SLC7A14: variants seen among roughly 807,000 people sequenced by gnomAD.
SLC7A14 encodes the protein solute carrier family 7 member 14.
SLC7A14 carries 37 observed loss-of-function variants against 60.2 expected under a neutral mutation model. That is an observed-to-expected ratio of 0.61 (90% CI 0.47 to 0.81). The LOEUF (loss-of-function observed/expected upper bound fraction) is 0.81, where lower values mean the gene tolerates loss of function less well. Ranked by LOEUF, SLC7A14 falls within the 30% of genes least tolerant of loss-of-function variation. SLC7A14 has a pLI of 0.00. For synonymous variants in SLC7A14, 399 were observed against 395.8 expected (o/e 1.01, Z -0.10); for missense variants, 886 against 982.7 (o/e 0.90, Z 1.32).
intron 5 of SLC7A14, among the ~76,000 whole-genome samples, chr3:170,485,753 AAG>A: frequency 6.6e-6 from 1 of 152,186 alleles, no homozygotes; most frequent in East Asian, 1.9e-4. Context: ...ATTTAAGGGG[AAG>A]AGAGTTTGTA....
At chr3:170,503,864 ATTGCTGTCT>A (rs1712687800) in intron 2 of SLC7A14, among the ~76,000 whole-genome samples, 3 of 152,224 alleles carry the variant, frequency 2.0e-5, no homozygotes, top group Non-Finnish European at 4.4e-5. Flanking sequence ...GGACCAGTCC[ATTGCTGTCT>A]GAATCAGAGA....
intron 1 of SLC7A14, among the ~76,000 whole-genome samples, chr3:170,579,370 A>G (rs2108318895): frequency 6.6e-6 from 1 of 152,380 alleles, no homozygotes; most frequent in South Asian, 2.1e-4. Flanking sequence ...TTTTGTCAAC[A>G]GAATGTTTAA....
chr3:170,507,840 G>T (rs1577522992), intron 2 of SLC7A14, among the ~76,000 whole-genome samples: 1 of 152,204 alleles, frequency 6.6e-6, no homozygotes, highest in Non-Finnish European at 1.5e-5. Context: ...GGAGAACCGA[G>T]GCTGGTCTGC....
chr3:170,548,114 C>CTTAATTAATGAAATTAATT (rs1714233640), intron 1 of SLC7A14, among the ~76,000 whole-genome samples: 1 of 152,150 alleles, frequency 6.6e-6, no homozygotes, highest in Non-Finnish European at 1.5e-5. Flanking sequence ...AATTTTTCAT[C>CTTAATTAATGAAATTAATT]AATCTTGGTA....
At chr3:170,501,375 G>A in intron 2 of SLC7A14, 30 bp from the exon 3 acceptor site, 1 of 1,579,558 alleles carries the variant, frequency 6.3e-7, no homozygotes, top group Non-Finnish European at 8.7e-7. Flanking sequence ...ACAGATGGTG[G>A]ACTTCAGGAG....
chr3:170,524,166 G>T (rs372074369), intron 2 of SLC7A14, among the ~76,000 whole-genome samples: 1 of 152,164 alleles, frequency 6.6e-6, no homozygotes, highest in African/African-American at 2.4e-5. Flanking sequence ...TGCTGGTAAA[G>T]GTTTAACAAC....
intron 1 of SLC7A14, among the ~76,000 whole-genome samples, chr3:170,542,058 C>T (rs986893669): frequency 1.3e-5 from 2 of 152,204 alleles, no homozygotes; most frequent in Non-Finnish European, 2.9e-5. Flanking sequence ...TTATCATTAG[C>T]TTTCTTTCCA....
chr3:170,498,760 C>T lies in SLC7A14; in HGVS notation c.666G>A (p.Leu222=). The change falls in exon 4 of 8, where the codon CTG becomes CTA. Residue 222 remains leucine (L), a synonymous_variant. Coordinates refer to ENST00000231706, the MANE Select transcript of SLC7A14 (RefSeq NM_020949.3). ...GFNNVLNVLN[L]AVWVFIMIAG... is the part of the protein sequence containing the mutation. ...CGATCATGATGAACACCCATACTGCCAGGTTCAGCACATTGAGAACATTGT... is the reference window on the plus strand; with the variant it reads ...CGATCATGATGAACACCCATACTGCTAGGTTCAGCACATTGAGAACATTGT... The T allele has an allele frequency of 6.2e-7, 1 of 1,614,198 alleles. No homozygotes were observed. Among genetic ancestry groups the T allele is most frequent in the Non-Finnish European group, 8.5e-7 (1 of 1,180,040 alleles).
intron 7 of SLC7A14, among the ~76,000 whole-genome samples, chr3:170,474,814 A>C (rs1711561582): frequency 1.3e-5 from 2 of 152,236 alleles, no homozygotes; most frequent in South Asian, 4.1e-4. Flanking sequence ...CCTGTCCTCT[A>C]AATCTACAGA....
At chr3:170,496,253 C>T (rs1290786685) in intron 4 of SLC7A14, 9 of 948,656 alleles carry the variant, frequency 9.5e-6, no homozygotes, top group Non-Finnish European at 1.6e-5. Flanking sequence ...CCAACCGCAG[C>T]TGGGCTGAGG....
intron 4 of SLC7A14, among the ~76,000 whole-genome samples, chr3:170,489,261 G>A (rs1030052282): frequency 6.6e-6 from 1 of 152,106 alleles, no homozygotes; most frequent in Non-Finnish European, 1.5e-5. Flanking sequence ...CAACTCTATA[G>A]GAAAAAATCT....
intron 1 of SLC7A14, among the ~76,000 whole-genome samples, chr3:170,542,618 GTTC>G (rs1348174604): frequency 6.6e-6 from 1 of 152,206 alleles, no homozygotes; most frequent in Non-Finnish European, 1.5e-5. Flanking sequence ...ACTCAGTGTT[GTTC>G]AAGTCCTCCT....
At chr3:170,470,328 G>GTGTGTGTA (rs1553864062) in intron 7 of SLC7A14, among the ~76,000 whole-genome samples, 2 of 151,614 alleles carry the variant, frequency 1.3e-5, no homozygotes, top group Non-Finnish European at 2.9e-5. Context: ...GTGTGTGTGT[G>GTGTGTGTA]TGTGTGTGTG....
chr3:170,540,182 T>C (rs905770967), intron 1 of SLC7A14, among the ~76,000 whole-genome samples: 1 of 152,156 alleles, frequency 6.6e-6, no homozygotes. Flanking sequence ...TTAAAACTTA[T>C]GAGTTGTTTG....
intron 4 of SLC7A14, among the ~76,000 whole-genome samples, chr3:170,494,989 A>G (rs1449016464): frequency 6.6e-6 from 1 of 152,218 alleles, no homozygotes; most frequent in African/African-American, 2.4e-5. Flanking sequence ...TCAGTTTCGC[A>G]GCCTCTATGA....
At chr3:170,561,857 A>G (rs1293615369) in intron 1 of SLC7A14, among the ~76,000 whole-genome samples, 2 of 152,246 alleles carry the variant, frequency 1.3e-5, no homozygotes. Flanking sequence ...TTCTCAAGAA[A>G]AGATATACAA....
At position 170,464,772 on chromosome 3, in the gene SLC7A14, G is replaced by A. The variant is rs750546322; in HGVS notation, c.*2283C>T. ...AGAAATTGCATTCATCTGCCACCAG[G>A]CTATTGTTACTTTAATACTTAAACC... On this transcript the variant is annotated 3_prime_UTR_variant, in exon 8 of 8. Transcript: ENST00000231706. 2.6e-5 allele frequency: 4 copies of A among 152,080 alleles called. No individual in the cohort carries two copies. Among genetic ancestry groups the A allele is most frequent in the Non-Finnish European group, 4.4e-5 (3 of 68,012 alleles). 9.4% of individuals were successfully genotyped at this position (152,080 alleles called of 1,614,324 possible).
chr3:170,544,997 C>G (rs1037910377), intron 1 of SLC7A14, among the ~76,000 whole-genome samples: 12 of 152,196 alleles, frequency 7.9e-5, no homozygotes, highest in Non-Finnish European at 1.8e-4. Flanking sequence ...CTATTGAACA[C>G]TTGAAATGTG....
Position 170,531,545 on chromosome 3 carries a change from A to G in SLC7A14, c.-152-4457T>C, listed in dbSNP as rs564545591. ...CTATTCTCTTCACGCAATTCCCCTG[A>G]GTGCTTGCTTTATTGATGCAAACAG... On this transcript the variant is annotated intron_variant, in intron 1 of 7. Coordinates refer to ENST00000231706, the MANE Select transcript of SLC7A14 (RefSeq NM_020949.3). Among the ~76,000 whole-genome samples the G allele has an allele frequency of 2.6e-5, 4 of 152,296 alleles. No homozygotes were observed. The South Asian group carries it at 6.2e-4, about 24-fold the overall frequency.
Sources: gnomAD v4.1 joint callset for allele counts (sites outside exome capture counted in the v4.1 genomes callset) on GRCh38, gnomAD v4.1.1 for gene constraint, MANE v1.5 for transcripts, NCBI Gene and HGNC (gene_info 2026-07-23, HGNC 2026-07-21) for gene names.